The following TBC1D30 variants were observed in gnomAD, a reference collection of about 807,000 sequenced individuals.
TBC1D30 encodes TBC1 domain family, member 30.
Under a neutral mutation model 63.2 loss-of-function variants are expected in TBC1D30, and 31 were observed. The ratio of observed to expected loss-of-function variants is 0.49; its 90% CI spans 0.37 to 0.66. The LOEUF is 0.66. Among genes scored for constraint, TBC1D30 ranks in the 30% least tolerant of loss-of-function variants. TBC1D30 has a pLI of 0.00. For missense variants in TBC1D30, 810 were observed against 953.6 expected (o/e 0.85, Z 1.98); for synonymous variants, 307 against 361.5 (o/e 0.85, Z 1.71).
intron 2 of TBC1D30, among the ~76,000 whole-genome samples, chr12:64,811,406 T>C (rs948106180): frequency 6.6e-6 from 1 of 152,236 alleles, no homozygotes; most frequent in African/African-American, 2.4e-5. Context: ...GAGAGGGTCT[T>C]CAGTTTGTTG....
chr12:64,781,171 C>T lies in TBC1D30; in HGVS notation c.363C>T (p.Ala121=), dbSNP rs1003366571. 3.6e-5 allele frequency: 38 copies of T among 1,041,142 alleles called. No homozygotes were observed. The African/African-American group carries it at 6.6e-4, about 18-fold the overall frequency. 64.5% of individuals were successfully genotyped at this position (1,041,142 alleles called of 1,614,324 possible). A position where few individuals can be genotyped will look rare whatever the true frequency, so the allele number is the denominator to read the frequency against. The change falls in exon 1 of 13, where the codon GCC becomes GCT. Residue 121 remains alanine, a synonymous_variant. Coordinates refer to the TBC1D30 transcript ENST00000542120. ...ACAGCCTCGACAGCTCCACCGAGGC[C>T]TCGGGCTCCGACGTGGTCCTGGGCG...
chr12:64,767,809 G>GGGGGT (rs1870774836), intron 1 of TBC1D30, among the ~76,000 whole-genome samples: 1 of 115,306 alleles, frequency 8.7e-6, no homozygotes, highest in Non-Finnish European at 1.8e-5. Flanking sequence ...GGAGGGGGGG[G>GGGGGT]AGATAGGCTC....
chr12:64,870,182 T>G (rs2136474218), intron 10 of TBC1D30, among the ~76,000 whole-genome samples: 1 of 152,370 alleles, frequency 6.6e-6, no homozygotes, highest in Non-Finnish European at 1.5e-5. Context: ...GCACTTTTAA[T>G]GACTGTCTAA....
chr12:64,762,787 GAT>G (rs1870564214), intron 1 of TBC1D30, among the ~76,000 whole-genome samples: 1 of 152,062 alleles, frequency 6.6e-6, no homozygotes, highest in Non-Finnish European at 1.5e-5. Context: ...AAAATAGAAA[GAT>G]AATTTAGTTT....
chr12:64,845,858 C>G (rs963769659), intron 8 of TBC1D30, among the ~76,000 whole-genome samples: 11 of 152,154 alleles, frequency 7.2e-5, no homozygotes, highest in Admixed American at 1.3e-4. Context: ...TGGGGTTTCG[C>G]CATATTGGCC....
chr12:64,811,242 T>G (rs1478237154), intron 2 of TBC1D30, among the ~76,000 whole-genome samples: 2 of 152,234 alleles, frequency 1.3e-5, no homozygotes, highest in Non-Finnish European at 2.9e-5. Context: ...AAAAAGTCTT[T>G]GGACAATTTT....
chr12:64,840,284 G>A (rs1032992158), intron 7 of TBC1D30, among the ~76,000 whole-genome samples: 5 of 152,172 alleles, frequency 3.3e-5, no homozygotes, highest in Non-Finnish European at 7.3e-5. Context: ...TTCTTTGGGT[G>A]TGGTAGTCCA....
chr12:64,782,911 A>G lies in TBC1D30; in HGVS notation c.478+1625A>G, dbSNP rs545631963. ...TATGCGTGCTTACGTGTGCACACAT[A>G]CACACACTAACATGCTCCCTCTCCC... On this transcript the variant is annotated intron_variant, in intron 1 of 12. Coordinates refer to the TBC1D30 transcript ENST00000542120. 3.3e-5 allele frequency among the ~76,000 whole-genome samples: 5 copies of G among 152,352 alleles called. No homozygotes were observed. In the South Asian group the frequency reaches 6.2e-4, roughly 19 times the overall value.
chr12:64,763,344 A>G (rs1044297666), intron 1 of TBC1D30, among the ~76,000 whole-genome samples: 2 of 152,178 alleles, frequency 1.3e-5, no homozygotes, highest in Non-Finnish European at 2.9e-5. Flanking sequence ...TTAATAGCCT[A>G]TTTATTACTT....
At chr12:64,866,716 C>G (rs1175218743) in intron 9 of TBC1D30, 48 bp from the exon 10 acceptor site, 3 of 1,508,474 alleles carry the variant, frequency 2.0e-6, no homozygotes, top group Non-Finnish European at 2.7e-6. Flanking sequence ...TTTTAAAATA[C>G]CATGGTTTTC....
intron 8 of TBC1D30, among the ~76,000 whole-genome samples, chr12:64,846,140 A>G (rs1434346139): frequency 1.3e-5 from 2 of 149,900 alleles, no homozygotes; most frequent in South Asian, 2.1e-4. Context: ...ATTTTCTCCC[A>G]CTCTTTGAGT....
intron 2 of TBC1D30, among the ~76,000 whole-genome samples, chr12:64,792,609 G>T (rs998966554): frequency 6.6e-6 from 1 of 152,098 alleles, no homozygotes; most frequent in Non-Finnish European, 1.5e-5. Context: ...TTGCTGTGTT[G>T]CCCAGGCCGG....
Position 64,876,097 on chromosome 12 carries a change from C to T in TBC1D30, c.*309C>T, listed in dbSNP as rs1006860199. The T allele has an allele frequency of 6.8e-5, 18 of 266,428 alleles. No individual in the cohort carries two copies. The highest frequency in any genetic ancestry group is 3.4e-4 in the African/African-American group (15 of 44,576). 16.5% of individuals were successfully genotyped at this position (266,428 alleles called of 1,614,324 possible). On this transcript the variant is annotated 3_prime_UTR_variant, in exon 12 of 12. Transcript: ENST00000539867. ...AGACTATATCTAGATTGTTAACTCT[C>T]GTCCATCCTTCTGTTCTGGGGGCCT...
chr12:64,823,806 TTTG>T (rs1405305974), upstream of TBC1D30, among the ~76,000 whole-genome samples: 2 of 152,182 alleles, frequency 1.3e-5, no homozygotes, highest in African/African-American at 4.8e-5. Context: ...AAAAATTTAA[TTTG>T]TTAATATTAT....
chr12:64,840,938 T>A (rs1875816328), intron 7 of TBC1D30, among the ~76,000 whole-genome samples: 1 of 152,214 alleles, frequency 6.6e-6, no homozygotes, highest in East Asian at 1.9e-4. Context: ...TGCCTGCCAT[T>A]GTGTTAGGCA....
chr12:64,785,580 G>A (rs1429098809), intron 1 of TBC1D30, among the ~76,000 whole-genome samples: 3 of 151,974 alleles, frequency 2.0e-5, no homozygotes, highest in Non-Finnish European at 4.4e-5. Context: ...CAGTTTTCAG[G>A]CAATGAAAAG....
exon 2 of TBC1D30, chr12:64,785,939 G>A (rs1268969375): frequency 5.4e-6 from 7 of 1,289,680 alleles, no homozygotes; most frequent in East Asian, 1.1e-4. Flanking sequence ...GCATCCAGTC[G>A]GCCAAGTTAC....
chr12:64,875,858 T>A lies in TBC1D30; in HGVS notation c.*70T>A, dbSNP rs551048784. The A allele has an allele frequency of 9.1e-5, 127 of 1,394,892 alleles. No individual in the cohort carries two copies. The highest frequency in any genetic ancestry group is 1.2e-4 in the Non-Finnish European group (122 of 1,059,578). 86.4% of individuals were successfully genotyped at this position (1,394,892 alleles called of 1,614,324 possible). Reference sequence around the variant, plus strand: ...TATAAGGGTTGCAGCTGAATGGCTCTAAAAGAGTTTTATTTGTCCAGTGAA... The same window carrying A: ...TATAAGGGTTGCAGCTGAATGGCTCAAAAAGAGTTTTATTTGTCCAGTGAA... On this transcript the variant is annotated 3_prime_UTR_variant, in exon 12 of 12. Coordinates refer to ENST00000539867, the MANE Select transcript of TBC1D30 (RefSeq NM_015279.2).
chr12:64,872,553 A>C (rs1878737766), intron 11 of TBC1D30, among the ~76,000 whole-genome samples: 1 of 152,188 alleles, frequency 6.6e-6, no homozygotes, highest in African/African-American at 2.4e-5. Context: ...GTGTGCATAC[A>C]GATCATTTGG....
Sources: allele counts gnomAD v4.1 joint callset (sites outside exome capture counted in the v4.1 genomes callset), GRCh38; gene constraint gnomAD v4.1.1; transcripts MANE v1.5; gene names NCBI Gene and HGNC (gene_info 2026-07-23, HGNC 2026-07-21).